The following RCC1 variants were observed in gnomAD, a reference collection of about 807,000 sequenced individuals.
The protein encoded by RCC1 is regulator of chromosome condensation.
Under a neutral mutation model 44.4 loss-of-function variants are expected in RCC1, and 11 were observed. The observed-to-expected ratio is 0.25, with a 90% CI of 0.16 to 0.41. RCC1 has a LOEUF of 0.41. Ranked by LOEUF, RCC1 falls within the 10% of genes least tolerant of loss-of-function variation. The pLI is 1.00. For synonymous variants in RCC1, 213 were observed against 216.5 expected, an observed-to-expected ratio of 0.98 and a Z score of 0.14; for missense variants, 386 against 547.1, an observed-to-expected ratio of 0.71 and a Z score of 2.94.
At chr1:28,533,493 G>T (rs977660659) in intron 7 of RCC1, among the ~76,000 whole-genome samples, 2 of 149,326 alleles carry the variant, frequency 1.3e-5, no homozygotes, top group African/African-American at 4.9e-5. Context: ...AGAAGTCCGG[G>T]CGCAGTAGCT....
At chr1:28,511,602 C>T (rs1427788252) in intron 3 of RCC1, among the ~76,000 whole-genome samples, 2 of 151,754 alleles carry the variant, frequency 1.3e-5, no homozygotes, top group Non-Finnish European at 2.9e-5. Context: ...ATCTCCTGAC[C>T]TCGTGATCCG....
rs1387067375 is a variant in RCC1, at chr1:28,528,773, T to TCTCA, written c.-9-1083_-9-1080dup. ...GGATATATTTTCTTCCCCACATTTT[T>TCTCA]CTCACATATTTTTTGTGTATGCATT... is the stretch of plus-strand genomic sequence containing the variant. On this transcript the variant is annotated intron_variant, in intron 4 of 12. Transcript: ENST00000683442. 4.6e-5 allele frequency among the ~76,000 whole-genome samples: 7 copies of TCTCA among 150,702 alleles called. No homozygotes were observed. The South Asian group carries it at 1.3e-3, about 27-fold the overall frequency.
chr1:28,533,902 G>C (rs1570221207), intron 7 of RCC1, among the ~76,000 whole-genome samples: 1 of 30,454 alleles, frequency 3.3e-5, no homozygotes, highest in African/African-American at 1.3e-4. Flanking sequence ...TTTTGAGACA[G>C]AGTCTTGCTC....
chr1:28,530,760 GC>G lies in RCC1; in HGVS notation c.73+822del, dbSNP rs1428789474. 6.6e-6 allele frequency: 4 copies of G among 602,390 alleles called. No homozygotes were observed. In the East Asian group the frequency reaches 1.2e-4, roughly 18 times the overall value. 37.3% of individuals were successfully genotyped at this position (602,390 alleles called of 1,614,324 possible). A position where few individuals can be genotyped will look rare whatever the true frequency, so the allele number is the denominator to read the frequency against. On this transcript the variant is annotated intron_variant, in intron 5 of 12. Transcript: ENST00000683442. Reference sequence around the variant, plus strand: ...CTTTGGCCCACAGAGAGCCCCGGGCGCGCACCTCCCGCAAATGCCGCTGTCC... The same window carrying G: ...CTTTGGCCCACAGAGAGCCCCGGGCGGCACCTCCCGCAAATGCCGCTGTCC...
At chr1:28,522,379 A>G (rs1663339636) in intron 4 of RCC1, among the ~76,000 whole-genome samples, 1 of 151,778 alleles carries the variant, frequency 6.6e-6, no homozygotes, top group Non-Finnish European at 1.5e-5. Context: ...AAATGAAGCT[A>G]AAGGTTCTGT....
intron 3 of RCC1, chr1:28,509,466 C>T (rs565637437): frequency 6.5e-6 from 1 of 154,190 alleles, no homozygotes; most frequent in South Asian, 2.0e-4. Flanking sequence ...GTTCTCAACT[C>T]CTGACCTCGT....
chr1:28,506,175 A>G (rs6696931), intron 1 of RCC1, 91 bp downstream of exon 1: 25,423 of 444,292 alleles, frequency 0.057, 2,382 homozygotes, highest in African/African-American at 0.3. Flanking sequence ...TTCCCTAGGA[A>G]GATCATATAG....
intron 3 of RCC1, chr1:28,509,952 C>CT (rs1346167012): frequency 1.3e-5 from 2 of 152,204 alleles, no homozygotes; most frequent in African/African-American, 4.8e-5. Flanking sequence ...GTATGAGCCT[C>CT]TACTACCTGG....
chr1:28,516,927 C>T, intron 4 of RCC1, 60 bp downstream of exon 4: 1 of 446,794 alleles, frequency 2.2e-6, no homozygotes. Context: ...AAGAATTCAG[C>T]CTGGCCAACA....
At chr1:28,512,264 C>T (rs1483510157) in intron 3 of RCC1, among the ~76,000 whole-genome samples, 1 of 108,218 alleles carries the variant, frequency 9.2e-6, no homozygotes, top group African/African-American at 4.6e-5. Context: ...CCACTATCCT[C>T]ACCTCCCCTT....
chr1:28,525,207 G>T (rs1023657602), intron 4 of RCC1, among the ~76,000 whole-genome samples: 3 of 152,100 alleles, frequency 2.0e-5, no homozygotes, highest in African/African-American at 7.2e-5. Context: ...TTTTCCATAC[G>T]ATGTCTGGAA....
At chr1:28,524,241 TCTTCTCTCCTGTTTGTTCAA>T (rs1245159261) in intron 4 of RCC1, among the ~76,000 whole-genome samples, 1 of 152,216 alleles carries the variant, frequency 6.6e-6, no homozygotes, top group East Asian at 1.9e-4. Flanking sequence ...GCTTCACGTC[TCTTCTCTCCTGTTTGTTCAA>T]CAGTGTTCTC....
chr1:28,537,728 A>G (rs892107987), intron 12 of RCC1, 104 bp from the exon 13 acceptor site: 14 of 1,196,442 alleles, frequency 1.2e-5, no homozygotes, highest in African/African-American at 6.2e-5. Flanking sequence ...CCAAGCTGCT[A>G]TTGGCCAAGG....
rs1018467369 is a variant in RCC1 at position 28,536,127 on chromosome 1, C to G, written c.817+101C>G. ...GCATCCTTTGCGGGGTCGTCTAACC[C>G]CTCCAAGCCAGTTTTGTCATCTGTA... On this transcript the variant is annotated intron_variant, in intron 10 of 12. Coordinates refer to ENST00000683442, the MANE Select transcript of RCC1 (RefSeq NM_001381865.2). This position sits in a 1 kb window ranked among gnomAD's most constrained non-coding sequence, Gnocchi z 4.9. 1.9e-6 allele frequency: 3 copies of G among 1,539,008 alleles called. No homozygotes were observed. The highest frequency in any genetic ancestry group is 2.7e-5 in the African/African-American group (2 of 72,930).
intron 3 of RCC1, among the ~76,000 whole-genome samples, chr1:28,511,346 A>G (rs1346363079): frequency 1.3e-5 from 2 of 152,032 alleles, no homozygotes; most frequent in East Asian, 1.9e-4. Context: ...TTATTAAATA[A>G]CATTCTTTTG....
Position 28,511,521 on chromosome 1 carries a change from G to A in RCC1, c.-153+2616G>A, listed in dbSNP as rs142531602. ...GCAGCTGGGACTACAGGTGCACGCCGCCACACCCGGCTAATTTTTTTGTAT... is the reference window on the plus strand; with the variant it reads ...GCAGCTGGGACTACAGGTGCACGCCACCACACCCGGCTAATTTTTTTGTAT... On this transcript the variant is annotated intron_variant, in intron 3 of 12. Transcript: ENST00000683442. Among the ~76,000 whole-genome samples the A allele has an allele frequency of 7.7e-3, 1,150 of 148,584 alleles. 17 individuals carry two copies. Among genetic ancestry groups the A allele is most frequent in the African/African-American group, 0.026 (1,050 of 40,474 alleles).
At chr1:28,519,263 G>A (rs961712342) in intron 4 of RCC1, among the ~76,000 whole-genome samples, 3 of 152,180 alleles carry the variant, frequency 2.0e-5, no homozygotes, top group African/African-American at 7.2e-5. Context: ...GTGACTGGAG[G>A]AGGAGAGTAA....
intron 3 of RCC1, chr1:28,510,807 A>G (rs903292959): frequency 2.6e-5 from 4 of 152,366 alleles, no homozygotes; most frequent in Admixed American, 6.5e-5. Flanking sequence ...CAGATGAGTC[A>G]GCCCCATTCG....
At chr1:28,509,126 CCTGTTTTGCAGAAAGTCTG>C in intron 3 of RCC1, 1 of 325,874 alleles carries the variant, frequency 3.1e-6, no homozygotes, top group South Asian at 2.5e-5. Context: ...TAAAAGTCGA[CCTGTTTTGCAGAAAGTCTG>C]CTGTTTTTGT....
Sources: allele counts gnomAD v4.1 joint callset (sites outside exome capture counted in the v4.1 genomes callset), GRCh38; gene constraint gnomAD v4.1.1; non-coding constraint Gnocchi (gnomAD v3.1); transcripts MANE v1.5; gene names NCBI Gene and HGNC (gene_info 2026-07-23, HGNC 2026-07-21).